Variants in CCDC102B observed in about 807,000 individuals in gnomAD.
CCDC102B encodes coiled-coil domain containing 102B.
CCDC102B carries 75 observed loss-of-function variants against 57.4 expected under a neutral mutation model. That is an observed-to-expected ratio of 1.31 (90% confidence interval 1.08 to 1.58). The LOEUF (loss-of-function observed/expected upper bound fraction) is 1.58, where lower values mean the gene tolerates loss of function less well. Among genes scored for constraint, CCDC102B ranks in the 40% most tolerant of loss-of-function variants. CCDC102B has a pLI of 0.00. For synonymous variants in CCDC102B, 206 were observed against 201.9 expected (o/e 1.02, Z -0.17); for missense variants, 636 against 582.6 (o/e 1.09, Z -0.94).
At chr18:68,882,244 T>C (rs768178561) in intron 5 of CCDC102B, among the ~76,000 whole-genome samples, 3 of 152,300 alleles carry the variant, frequency 2.0e-5, no homozygotes, top group South Asian at 2.1e-4. Context: ...CTTATAGCTT[T>C]GAGAAATAAA....
intron 2 of CCDC102B, among the ~76,000 whole-genome samples, chr18:68,747,653 C>T (rs187120301): frequency 2.9e-4 from 44 of 152,214 alleles, no homozygotes; most frequent in African/African-American, 9.9e-4. Flanking sequence ...TTGCACTTAG[C>T]ATAATGTACT....
At chr18:68,716,381 T>C (rs562203734) in intron 1 of CCDC102B, 1 of 152,186 alleles carries the variant, frequency 6.6e-6, no homozygotes, top group South Asian at 2.1e-4. Context: ...CGTTACAGTT[T>C]AAGTTCACAT....
At chr18:68,846,274 G>A in intron 3 of CCDC102B, 39 bp from the exon 4 acceptor site, 1 of 1,323,418 alleles carries the variant, frequency 7.6e-7, no homozygotes, top group Non-Finnish European at 1.0e-6. Context: ...TTTTAAAATT[G>A]AAGCCGACTT....
chr18:68,958,516 A>G (rs967176827), intron 6 of CCDC102B, among the ~76,000 whole-genome samples: 3 of 152,048 alleles, frequency 2.0e-5, no homozygotes, highest in Non-Finnish European at 4.4e-5. Context: ...ATGGTGAAGA[A>G]TTTTGCATCA....
chr18:68,846,557 A>G (rs936314957), intron 4 of CCDC102B, 136 bp downstream of exon 4: 2 of 473,534 alleles, frequency 4.2e-6, no homozygotes, highest in South Asian at 4.8e-5. Flanking sequence ...TATAAGAGTA[A>G]TACTTGAAAT....
intron 5 of CCDC102B, among the ~76,000 whole-genome samples, chr18:68,895,311 C>T (rs1435453135): frequency 6.6e-6 from 1 of 151,654 alleles, no homozygotes; most frequent in African/African-American, 2.4e-5. Flanking sequence ...GAAGCCAGAA[C>T]ATCTCTTAGA....
chr18:68,765,411 GGAAAGA>G (rs931833587), intron 2 of CCDC102B, among the ~76,000 whole-genome samples: 2 of 133,262 alleles, frequency 1.5e-5, no homozygotes, highest in Admixed American at 8.4e-5. Context: ...AAGGAAGGAA[GGAAAGA>G]GAAAGAGAAA....
intron 7 of CCDC102B, among the ~76,000 whole-genome samples, chr18:69,030,053 A>G (rs1307753969): frequency 6.6e-6 from 1 of 151,312 alleles, no homozygotes; most frequent in Non-Finnish European, 1.5e-5. Context: ...AGTGGAAAAA[A>G]TTATTTTTTT....
intron 2 of CCDC102B, among the ~76,000 whole-genome samples, chr18:68,764,643 C>A (rs2034364703): frequency 6.6e-6 from 1 of 152,158 alleles, no homozygotes; most frequent in South Asian, 2.1e-4. Context: ...TCTCTTATAA[C>A]ATTTTTGACC....
chr18:69,012,551 C>T (rs1454470758), intron 7 of CCDC102B, among the ~76,000 whole-genome samples: 3 of 152,102 alleles, frequency 2.0e-5, no homozygotes, highest in Non-Finnish European at 4.4e-5. Flanking sequence ...TTTGCTTTGC[C>T]TGTACCTTAT....
intron 5 of CCDC102B, among the ~76,000 whole-genome samples, chr18:68,881,526 A>AT (rs2039691846): frequency 1.3e-5 from 2 of 152,294 alleles, no homozygotes; most frequent in South Asian, 4.1e-4. Context: ...TAACACTTGA[A>AT]TGGGTGCATT....
chr18:68,987,064 C>A lies in CCDC102B; in HGVS notation c.1264-23870C>A, dbSNP rs1005834651. Reference sequence around the variant, plus strand: ...ATGTCATTTTTCACAGAATTGGAAACGTCTATTCTTAAATTCATATGGAAC... The same window carrying A: ...ATGTCATTTTTCACAGAATTGGAAAAGTCTATTCTTAAATTCATATGGAAC... On this transcript the variant is annotated intron_variant, in intron 6 of 7. Transcript: ENST00000360242. Among the ~76,000 whole-genome samples the A allele has an allele frequency of 2.6e-5, 4 of 152,098 alleles. No homozygotes were observed. The South Asian group carries it at 8.3e-4, about 32-fold the overall frequency.
intron 6 of CCDC102B, among the ~76,000 whole-genome samples, chr18:68,948,507 TG>T (rs1402244616): frequency 3.3e-5 from 5 of 152,050 alleles, no homozygotes; most frequent in African/African-American, 1.2e-4. Flanking sequence ...GAAAAATCAA[TG>T]AAACATTGAA....
chr18:68,872,784 T>C (rs1230908697), intron 4 of CCDC102B, among the ~76,000 whole-genome samples: 1 of 152,110 alleles, frequency 6.6e-6, no homozygotes, highest in African/African-American at 2.4e-5. Context: ...GTTTTGCTTT[T>C]CTGCCACTCT....
At chr18:68,757,790 T>C (rs532014559) in intron 2 of CCDC102B, among the ~76,000 whole-genome samples, 1 of 152,282 alleles carries the variant, frequency 6.6e-6, no homozygotes, top group South Asian at 2.1e-4. Flanking sequence ...ATGGTGTAAA[T>C]TTAATGTTCT....
intron 2 of CCDC102B, among the ~76,000 whole-genome samples, chr18:68,746,058 C>T (rs1367505180): frequency 1.3e-5 from 2 of 152,270 alleles, no homozygotes; most frequent in Admixed American, 1.3e-4. Flanking sequence ...CATCCAACCA[C>T]AGACAGAGTA....
intron 2 of CCDC102B, among the ~76,000 whole-genome samples, chr18:68,785,112 A>G (rs1262453115): frequency 6.6e-6 from 1 of 151,926 alleles, no homozygotes; most frequent in Non-Finnish European, 1.5e-5. Context: ...TTCACTGAGA[A>G]TGATGACTTC....
chr18:68,726,037 T>A (rs1405553586), intron 2 of CCDC102B, among the ~76,000 whole-genome samples: 2 of 152,042 alleles, frequency 1.3e-5, no homozygotes, highest in Non-Finnish European at 1.5e-5. Flanking sequence ...CCATTCAGGG[T>A]GATAGAATTA....
chr18:68,843,586 T>A (rs2037730187), intron 3 of CCDC102B, among the ~76,000 whole-genome samples: 1 of 152,120 alleles, frequency 6.6e-6, no homozygotes, highest in African/African-American at 2.4e-5. Context: ...TATTTTAGAT[T>A]CTACAAATTT....
Sources: allele counts gnomAD v4.1 joint callset (sites outside exome capture counted in the v4.1 genomes callset), GRCh38; gene constraint gnomAD v4.1.1; transcripts MANE v1.5; gene names NCBI Gene and HGNC (gene_info 2026-07-23, HGNC 2026-07-21).